The following FBXO42 variants were observed in gnomAD, a reference collection of about 807,000 sequenced individuals.
FBXO42 encodes F-box protein 42, also known as F-box only protein 42.
FBXO42 carries 12 observed loss-of-function variants against 71.7 expected under a neutral mutation model. The observed-to-expected ratio is 0.17, with a 90% CI of 0.11 to 0.27. The LOEUF is 0.27. FBXO42 is among the 10% of genes least tolerant of loss of function. The pLI is 1.00. For missense variants in FBXO42, 707 were observed against 911.9 expected (o/e 0.78, Z 2.89); for synonymous variants, 325 against 327.5 (o/e 0.99, Z 0.08).
intron 4 of FBXO42, among the ~76,000 whole-genome samples, chr1:16,262,374 CGAT>C (rs1234451672): frequency 2.0e-5 from 3 of 152,094 alleles, no homozygotes; most frequent in Non-Finnish European, 4.4e-5. Context: ...AATTCCCTCT[CGAT>C]GATCTTAAAG....
intron 1 of FBXO42, among the ~76,000 whole-genome samples, chr1:16,322,330 C>T (rs1250251570): frequency 1.3e-5 from 2 of 152,152 alleles, no homozygotes; most frequent in Non-Finnish European, 2.9e-5. Context: ...GTAATCCCAG[C>T]ACTTTGGGAG....
chr1:16,337,245 C>T (rs2100622218), intron 1 of FBXO42, among the ~76,000 whole-genome samples: 1 of 152,190 alleles, frequency 6.6e-6, no homozygotes, highest in Admixed American at 6.6e-5. Context: ...ACTGTATTCT[C>T]ACCTTGATGA....
At chr1:16,343,831 T>TGGCCA (rs1421387091) in intron 1 of FBXO42, among the ~76,000 whole-genome samples, 2 of 150,730 alleles carry the variant, frequency 1.3e-5, no homozygotes, top group African/African-American at 4.9e-5. Context: ...AAAAAAATAT[T>TGGCCA]GGCCAGGTGT....
intron 1 of FBXO42, among the ~76,000 whole-genome samples, chr1:16,338,804 C>CTTTTTTTTTTTTTTT (rs71574177): frequency 1.2e-5 from 1 of 80,960 alleles, no homozygotes; most frequent in Non-Finnish European, 2.3e-5. Flanking sequence ...TTCCATTTGT[C>CTTTTTTTTTTTTTTT]TTTTTTTTTT....
rs141341798 is a variant in FBXO42 at position 16,342,172 on chromosome 1, G to A, written c.-18+10083C>T. Among the ~76,000 whole-genome samples the A allele has an allele frequency of 5.1e-3, 772 of 151,788 alleles. 6 individuals carry two copies. Among genetic ancestry groups the A allele is most frequent in the African/African-American group, 0.018 (733 of 41,394 alleles). On this transcript the variant is annotated intron_variant, in intron 1 of 9. Transcript: ENST00000375592. ...AGCACTTTGGGAGGCCAAGACGGGC[G>A]GATCACTTGAAGCTGGGAGTTCAAG...
intron 1 of FBXO42, among the ~76,000 whole-genome samples, chr1:16,331,727 G>A (rs1344045432): frequency 6.6e-6 from 1 of 150,530 alleles, no homozygotes; most frequent in Non-Finnish European, 1.5e-5. Context: ...GGGCAACAGA[G>A]CAAGACTCAG....
chr1:16,250,647 A>T lies in FBXO42; in HGVS notation c.*23T>A, dbSNP rs745432372. 1.9e-6 allele frequency: 3 copies of T among 1,587,362 alleles called. No homozygotes were observed. Among genetic ancestry groups the T allele is most frequent in the Non-Finnish European group, 2.6e-6 (3 of 1,165,610 alleles). ...AAAATTCCAAATTAAAAGCCACAGA[A>T]AAGGAAAGGGGTTTAGAACACATTA... On this transcript the variant is annotated 3_prime_UTR_variant, in exon 10 of 10. Transcript: ENST00000375592. This position sits in a 1 kb window ranked among gnomAD's most constrained non-coding sequence, Gnocchi z 4.7.
intron 3 of FBXO42, among the ~76,000 whole-genome samples, chr1:16,298,671 A>G (rs1320159929): frequency 6.6e-6 from 1 of 151,880 alleles, no homozygotes; most frequent in Non-Finnish European, 1.5e-5. Context: ...CACCACGCCC[A>G]GCTAGTTTTT....
At chr1:16,330,216 T>C (rs1362249092) in intron 1 of FBXO42, among the ~76,000 whole-genome samples, 1 of 152,006 alleles carries the variant, frequency 6.6e-6, no homozygotes, top group African/African-American at 2.4e-5. Flanking sequence ...AATGGGGAAA[T>C]GAAGATTAAA....
At chr1:16,289,527 C>G (rs933908368) in intron 4 of FBXO42, among the ~76,000 whole-genome samples, 6 of 152,118 alleles carry the variant, frequency 3.9e-5, no homozygotes, top group African/African-American at 1.4e-4. Context: ...TCAACTCCCC[C>G]TGTGCCACTC....
intron 2 of FBXO42, among the ~76,000 whole-genome samples, chr1:16,308,266 C>A (rs529283206): frequency 1.3e-5 from 2 of 152,254 alleles, no homozygotes; most frequent in East Asian, 3.9e-4. Flanking sequence ...CAGGCGTGAG[C>A]CACTGTGTCC....
At chr1:16,350,756 A>AGAAAAGAAAAG (rs1557612351) in intron 1 of FBXO42, among the ~76,000 whole-genome samples, 2 of 128,390 alleles carry the variant, frequency 1.6e-5, no homozygotes, top group Non-Finnish European at 3.5e-5. Context: ...AAAAAAAAAA[A>AGAAAAGAAAAG]AAAAGAAAGA....
At chr1:16,300,875 C>G (rs1216078451) in intron 3 of FBXO42, among the ~76,000 whole-genome samples, 1 of 148,570 alleles carries the variant, frequency 6.7e-6, no homozygotes, top group East Asian at 2.0e-4. Context: ...ACACATTCAC[C>G]AAAAAGCTAG....
intron 1 of FBXO42, among the ~76,000 whole-genome samples, chr1:16,342,304 G>A (rs2082612048): frequency 6.6e-6 from 1 of 151,080 alleles, no homozygotes; most frequent in African/African-American, 2.4e-5. Context: ...GCTGAGGCAG[G>A]AGAATTGCTT....
Position 16,302,450 on chromosome 1 carries a change from C to G in FBXO42, c.367+3353G>C, listed in dbSNP as rs147835300. 6.6e-5 allele frequency among the ~76,000 whole-genome samples: 10 copies of G among 152,264 alleles called. No homozygotes were observed. In the East Asian group the frequency reaches 1.5e-3, roughly 24 times the overall value. On this transcript the variant is annotated intron_variant, in intron 3 of 9. Transcript: ENST00000375592. ...GGAAACTTACATTTATGGTAGAAGG[C>G]AAAGGAGAATCAAGCAACTTCTTAC...
At chr1:16,334,777 T>C (rs553687651) in intron 1 of FBXO42, among the ~76,000 whole-genome samples, 4 of 152,012 alleles carry the variant, frequency 2.6e-5, no homozygotes, top group Non-Finnish European at 5.9e-5. Context: ...AAATGCTAAA[T>C]AGAAAGTACA....
At chr1:16,337,035 A>C (rs577079320) in intron 1 of FBXO42, among the ~76,000 whole-genome samples, 1 of 152,282 alleles carries the variant, frequency 6.6e-6, no homozygotes, top group South Asian at 2.1e-4. Context: ...TTCCAAACAC[A>C]AGTGCACATA....
chr1:16,339,197 G>C (rs1012101850), intron 1 of FBXO42, among the ~76,000 whole-genome samples: 1 of 152,096 alleles, frequency 6.6e-6, no homozygotes, highest in Admixed American at 6.6e-5. Context: ...GCAGAGGAGA[G>C]GACCTCCTTC....
chr1:16,250,882 C>A lies in FBXO42; in HGVS notation c.1942G>T (p.Val648Leu). The A allele has an allele frequency of 1.2e-6, 2 of 1,614,148 alleles. No individual in the cohort carries two copies. Among genetic ancestry groups the A allele is most frequent in the Admixed American group, 1.7e-5 (1 of 60,016 alleles). Residue 648 changes from valine (V) to leucine (L), a missense_variant, in exon 10 of 10, where the codon GTG (valine) becomes TTG (leucine). Physicochemically the swap from Val to Leu is conservative, Grantham distance 32. This residue lies in a region of FBXO42 where 482 missense variants were observed against 587.1 expected (regional missense o/e 0.82). Transcript: ENST00000375592. This position sits in a 1 kb window ranked among gnomAD's most constrained non-coding sequence, Gnocchi z 4.7. Reference sequence around the variant, plus strand: ...TCCTTGGTGTCTTTAATGTCCAGCACGTACATCTGCATGGGCTTGCAGTTC... The same window carrying A: ...TCCTTGGTGTCTTTAATGTCCAGCAAGTACATCTGCATGGGCTTGCAGTTC... ...SMNCKPMQMY[V>L]LDIKDTKEKG...
Sources: gnomAD v4.1 joint callset for allele counts (sites outside exome capture counted in the v4.1 genomes callset) on GRCh38, gnomAD v4.1.1 for gene constraint, gnomAD v4.1.1 regional missense constraint, Gnocchi (gnomAD v3.1) non-coding constraint, MANE v1.5 for transcripts, NCBI Gene and HGNC (gene_info 2026-07-23, HGNC 2026-07-21) for gene names.